The following FANCB variants were observed in gnomAD, a reference collection of about 807,000 sequenced individuals.
FANCB encodes Fanconi anemia group B protein.
FANCB carries 5 observed loss-of-function variants against 38.9 expected under a neutral mutation model. The observed-to-expected ratio is 0.13, with a 90% CI of 0.07 to 0.27. The LOEUF (loss-of-function observed/expected upper bound fraction) is 0.27. Among genes scored for constraint, FANCB ranks in the 10% least tolerant of loss-of-function variants. FANCB has a pLI of 1.00. For missense variants in FANCB, 573 were observed against 602.7 expected, an observed-to-expected ratio of 0.95 and a Z score of 0.52; for synonymous variants, 236 against 215.4, an observed-to-expected ratio of 1.10 and a Z score of -0.84.
downstream of FANCB, among the ~76,000 whole-genome samples, chrX:14,839,919 G>A (rs1038402125): frequency 2.9e-4 from 32 of 109,660 alleles, no homozygotes; most frequent in East Asian, 1.4e-3. Flanking sequence ...GCAGTGGCGC[G>A]ATCTCGGCTC....
chrX:14,802,986 A>C, the FANCB span, among the ~76,000 whole-genome samples: 1 of 112,151 alleles, frequency 8.9e-6, no homozygotes, highest in African/African-American at 3.2e-5. Context: ...CTTTCCTTTA[A>C]AGTCATCAGG....
chrX:14,726,524 T>A, the FANCB span, among the ~76,000 whole-genome samples: 2 of 112,464 alleles, frequency 1.8e-5, no homozygotes, highest in Non-Finnish European at 3.8e-5. Context: ...GAAGCATAAT[T>A]TGAAATAGTG....
the FANCB span, among the ~76,000 whole-genome samples, chrX:14,777,962 G>A: frequency 8.9e-6 from 1 of 111,819 alleles, no homozygotes; most frequent in Non-Finnish European, 1.9e-5. Flanking sequence ...TTGCAGCATG[G>A]CCCTCCAAAT....
intron 5 of FANCB, among the ~76,000 whole-genome samples, chrX:14,855,027 C>T (rs1480701275): frequency 8.9e-6 from 1 of 111,798 alleles, no homozygotes; most frequent in Non-Finnish European, 1.9e-5. Flanking sequence ...TAGTTCATTC[C>T]TTCCGTTGCT....
chrX:14,847,739 G>T (rs1003332001), intron 7 of FANCB, among the ~76,000 whole-genome samples: 7 of 109,615 alleles, frequency 6.4e-5, no homozygotes, highest in Non-Finnish European at 1.3e-4. Flanking sequence ...TAAAGTAAAA[G>T]GAAATAATAA....
At chrX:14,826,942 T>C in the FANCB span, among the ~76,000 whole-genome samples, 1 of 111,735 alleles carries the variant, frequency 8.9e-6, no homozygotes, top group Non-Finnish European at 1.9e-5. Flanking sequence ...AAATTGATCA[T>C]GCTGATAGGC....
At chrX:14,860,483 C>T (rs2092442079) in intron 3 of FANCB, among the ~76,000 whole-genome samples, 1 of 112,113 alleles carries the variant, frequency 8.9e-6, no homozygotes, top group Non-Finnish European at 1.9e-5. Context: ...CATGTGTACA[C>T]ACACATATTT....
At chrX:14,705,290 A>G in the FANCB span, among the ~76,000 whole-genome samples, 1 of 111,733 alleles carries the variant, frequency 8.9e-6, no homozygotes, top group Non-Finnish European at 1.9e-5. Context: ...GTTTGATCTA[A>G]GGCAGTGGTT....
chrX:14,692,703 C>T, the FANCB span, among the ~76,000 whole-genome samples: 30 of 111,677 alleles, frequency 2.7e-4, no homozygotes, highest in African/African-American at 9.7e-4. Context: ...TCCTGGCTTA[C>T]TGACTGCATA....
At chrX:14,691,318 TGTGTGTGC>T in the FANCB span, among the ~76,000 whole-genome samples, 728 of 64,243 alleles carry the variant, frequency 0.011, 12 homozygotes, top group African/African-American at 0.045. Context: ...TGTGTGTGTG[TGTGTGTGC>T]GCGCGTGCGT....
the FANCB span, among the ~76,000 whole-genome samples, chrX:14,802,330 C>A: frequency 9.0e-6 from 1 of 111,481 alleles, no homozygotes; most frequent in African/African-American, 3.3e-5. Flanking sequence ...TCATATGATG[C>A]AGCTGAAATG....
At chrX:14,824,407 T>C in the FANCB span, among the ~76,000 whole-genome samples, 1 of 112,389 alleles carries the variant, frequency 8.9e-6, no homozygotes, top group South Asian at 3.7e-4. Flanking sequence ...TTAATCCATG[T>C]CTTTGTTCTA....
the FANCB span, among the ~76,000 whole-genome samples, chrX:14,779,770 A>G: frequency 9.0e-6 from 1 of 111,131 alleles, no homozygotes; most frequent in Non-Finnish European, 1.9e-5. Flanking sequence ...AGTGGAAGAT[A>G]AGGTCTGAGA....
chrX:14,806,019 C>T, the FANCB span, among the ~76,000 whole-genome samples: 2 of 112,337 alleles, frequency 1.8e-5, no homozygotes, highest in Non-Finnish European at 3.8e-5. Context: ...AAATGCTAAT[C>T]TGAAAACACA....
At chrX:14,703,098 G>C in the FANCB span, among the ~76,000 whole-genome samples, 1 of 111,969 alleles carries the variant, frequency 8.9e-6, no homozygotes, top group African/African-American at 3.2e-5. Context: ...TCAGGGTCTA[G>C]ATGGCTAAAA....
rs535338853 is a variant in FANCB, at chrX:14,858,221, C to T, written c.1105-267G>A. Among the ~76,000 whole-genome samples, 18 of 110,631 alleles carry T rather than the reference C, an allele frequency of 1.6e-4. No individual in the cohort carries two copies. In the South Asian group the frequency reaches 5.7e-3, roughly 35 times the overall value. ...AGCCTGCCCACAACATGGTGAAACC[C>T]TGTCTCTACTAAAAATACAAAAAAT... On this transcript the variant is annotated intron_variant, in intron 4 of 9. Coordinates refer to ENST00000650831, the MANE Select transcript of FANCB (RefSeq NM_001018113.3).
the FANCB span, among the ~76,000 whole-genome samples, chrX:14,751,599 T>C: frequency 1.8e-5 from 2 of 111,817 alleles, no homozygotes; most frequent in African/African-American, 6.5e-5. Flanking sequence ...CTAAGTTATA[T>C]ACTTACATCA....
the FANCB span, among the ~76,000 whole-genome samples, chrX:14,708,559 G>C: frequency 2.7e-5 from 3 of 111,790 alleles, no homozygotes; most frequent in Non-Finnish European, 5.6e-5. Context: ...TCATCACTCC[G>C]TGACCTGCCT....
the FANCB span, among the ~76,000 whole-genome samples, chrX:14,721,060 C>A: frequency 9.5e-6 from 1 of 104,905 alleles, no homozygotes; most frequent in Non-Finnish European, 1.9e-5. Flanking sequence ...GTCGAGGCTG[C>A]AGTGAGCTGT....
Sources: allele counts gnomAD v4.1 joint callset (sites outside exome capture counted in the v4.1 genomes callset), GRCh38; gene constraint gnomAD v4.1.1; transcripts MANE v1.5; gene names NCBI Gene and HGNC (gene_info 2026-07-23, HGNC 2026-07-21).